TMTC1: variants seen among roughly 807,000 people sequenced by gnomAD.
The protein encoded by TMTC1 is transmembrane O-mannosyltransferase targeting cadherins 1, also known as protein O-mannosyl-transferase TMTC1.
Under a neutral mutation model 104.8 loss-of-function variants are expected in TMTC1, and 73 were observed. That is an observed-to-expected ratio of 0.70 (90% CI 0.58 to 0.85). The LOEUF (loss-of-function observed/expected upper bound fraction) is 0.85. TMTC1 is among the 40% of genes least tolerant of loss of function. The probability of loss-of-function intolerance (pLI) is 0.00; values close to 1 mark genes in which losing one functional copy is unlikely to be tolerated. For missense variants in TMTC1, 1,035 were observed against 1,096.1 expected (o/e 0.94, Z 0.79); for synonymous variants, 434 against 428.7 (o/e 1.01, Z -0.15).
intron 5 of TMTC1, among the ~76,000 whole-genome samples, chr12:29,712,538 T>A (rs1192691250): frequency 6.6e-6 from 1 of 152,206 alleles, no homozygotes; most frequent in Non-Finnish European, 1.5e-5. Flanking sequence ...ATTTTAAAAA[T>A]CTATATTTCT....
chr12:29,757,996 T>G (rs1943256152), intron 3 of TMTC1, among the ~76,000 whole-genome samples: 1 of 152,122 alleles, frequency 6.6e-6, no homozygotes, highest in South Asian at 2.1e-4. Flanking sequence ...GGAGTTACAA[T>G]TCAAGATGAG....
At chr12:29,568,269 C>T (rs1230609880) in intron 9 of TMTC1, among the ~76,000 whole-genome samples, 2 of 152,068 alleles carry the variant, frequency 1.3e-5, no homozygotes, top group Non-Finnish European at 2.9e-5. Flanking sequence ...AGAGCCTGGT[C>T]TTGCAAAGCG....
intron 5 of TMTC1, among the ~76,000 whole-genome samples, chr12:29,645,370 C>A (rs1365471760): frequency 6.6e-6 from 1 of 152,106 alleles, no homozygotes; most frequent in Non-Finnish European, 1.5e-5. Context: ...GAAGCTATGC[C>A]AGCTTATTTT....
At chr12:29,557,646 C>T (rs996562642) in intron 9 of TMTC1, among the ~76,000 whole-genome samples, 1 of 152,054 alleles carries the variant, frequency 6.6e-6, no homozygotes, top group Non-Finnish European at 1.5e-5. Context: ...GACTGGGTTT[C>T]GCCATGTTGG....
At chr12:29,749,360 A>G (rs1184568927) in intron 5 of TMTC1, among the ~76,000 whole-genome samples, 1 of 152,078 alleles carries the variant, frequency 6.6e-6, no homozygotes, top group Non-Finnish European at 1.5e-5. Flanking sequence ...CTTTCTTATC[A>G]TCCACTCATC....
At chr12:29,731,290 G>A (rs144961783) in intron 5 of TMTC1, among the ~76,000 whole-genome samples, 26 of 152,276 alleles carry the variant, frequency 1.7e-4, no homozygotes, top group Admixed American at 2.6e-4. Flanking sequence ...CAGAGGAGCT[G>A]GGATTACAGA....
intron 11 of TMTC1, among the ~76,000 whole-genome samples, chr12:29,523,742 T>C (rs1473598118): frequency 6.6e-6 from 1 of 152,114 alleles, no homozygotes; most frequent in Non-Finnish European, 1.5e-5. Flanking sequence ...ACAGGGGACC[T>C]CTCTGTGTTG....
At chr12:29,621,247 C>T (rs1263273154) in intron 6 of TMTC1, among the ~76,000 whole-genome samples, 7 of 152,158 alleles carry the variant, frequency 4.6e-5, no homozygotes, top group Non-Finnish European at 7.4e-5. Flanking sequence ...AAACATGATG[C>T]TTATTTTACC....
At chr12:29,706,330 T>A (rs1450727422) in intron 5 of TMTC1, among the ~76,000 whole-genome samples, 1 of 152,164 alleles carries the variant, frequency 6.6e-6, no homozygotes, top group African/African-American at 2.4e-5. Context: ...GCCAAGAACA[T>A]TAAAGGCAGA....
At chr12:29,665,255 A>C (rs946228534) in intron 5 of TMTC1, among the ~76,000 whole-genome samples, 1 of 152,200 alleles carries the variant, frequency 6.6e-6, no homozygotes, top group Non-Finnish European at 1.5e-5. Context: ...ATATGAAAAA[A>C]CAGTTGAACA....
Position 29,583,519 on chromosome 12 carries a change from T to A in TMTC1, c.1306A>T (p.Asn436Tyr). The stretch of plus-strand genomic sequence containing the variant: ...ATCAGGGTGGTGGCCCCACATCGAT[T>A]CAGCCAAGTGCAGAGCTTGCTCAGT... ...HGLSKLCTWL[N>Y]RCGATTLIVS... The change falls in exon 8 of 18, where the codon AAT becomes TAT. Residue 436 changes from asparagine (N) to tyrosine (Y), a missense_variant. Physicochemically the swap from Asn to Tyr is moderately radical, Grantham distance 143 (BLOSUM62 -2). Transcript: ENST00000539277. 1 of 1,613,874 alleles carries A rather than the reference T, an allele frequency of 6.2e-7. No individual in the cohort carries two copies. The highest frequency in any genetic ancestry group is 8.5e-7 in the Non-Finnish European group (1 of 1,179,862).
At chr12:29,731,398 C>T (rs952351154) in intron 5 of TMTC1, among the ~76,000 whole-genome samples, 1 of 152,166 alleles carries the variant, frequency 6.6e-6, no homozygotes, top group Non-Finnish European at 1.5e-5. Context: ...TCAAGTGATT[C>T]ACCTGCCTTG....
chr12:29,535,870 G>A (rs1024678136), intron 11 of TMTC1: 4 of 225,564 alleles, frequency 1.8e-5, no homozygotes, highest in African/African-American at 4.7e-5. Context: ...TGAGTTCAGC[G>A]ATCTTAGACC....
intron 16 of TMTC1, among the ~76,000 whole-genome samples, chr12:29,513,904 C>A (rs544175441): frequency 6.6e-6 from 1 of 151,934 alleles, no homozygotes; most frequent in Non-Finnish European, 1.5e-5. Flanking sequence ...CACACACATA[C>A]GGGGGTTAGG....
chr12:29,727,241 A>T (rs2136903639), intron 5 of TMTC1, among the ~76,000 whole-genome samples: 1 of 152,356 alleles, frequency 6.6e-6, no homozygotes, highest in East Asian at 1.9e-4. Flanking sequence ...ATTTTCTGAA[A>T]TAGAGTCAAA....
rs768723306 is a variant in TMTC1, at chr12:29,758,689, C to CT, written c.554+14dup. Reference sequence around the variant, plus strand: ...AGTTGCGATCACAGAGAAGGGCATTCTTAGCTACACATACCTGTTGTACGA... The same window carrying CT: ...AGTTGCGATCACAGAGAAGGGCATTCTTTAGCTACACATACCTGTTGTACGA... On this transcript the variant is annotated intron_variant, in intron 3 of 17. Transcript: ENST00000539277. 2.1e-5 allele frequency: 34 copies of CT among 1,612,504 alleles called. No individual in the cohort carries two copies. In the South Asian group the frequency reaches 3.6e-4, roughly 17 times the overall value.
intron 5 of TMTC1, chr12:29,660,907 A>G (rs1218611430): frequency 9.7e-6 from 14 of 1,438,526 alleles, no homozygotes; most frequent in South Asian, 2.7e-5. Flanking sequence ...AAGAAAAAAA[A>G]TCTTAGATAA....
At chr12:29,767,817 T>G (rs1050584129) in intron 2 of TMTC1, 81 bp downstream of exon 2, 5 of 1,261,394 alleles carry the variant, frequency 4.0e-6, no homozygotes, top group Non-Finnish European at 5.6e-6. Context: ...TACATGTATA[T>G]ATATGTGTGT....
At chr12:29,543,374 ACAT>A (rs1944854669) in intron 10 of TMTC1, among the ~76,000 whole-genome samples, 2 of 152,342 alleles carry the variant, frequency 1.3e-5, no homozygotes, top group East Asian at 3.9e-4. Context: ...AAGTCTCATG[ACAT>A]ATTCATTTAA....
Sources: gnomAD v4.1 joint callset for allele counts (sites outside exome capture counted in the v4.1 genomes callset) on GRCh38, gnomAD v4.1.1 for gene constraint, MANE v1.5 for transcripts, NCBI Gene and HGNC (gene_info 2026-07-23, HGNC 2026-07-21) for gene names.